IQCJ: variants seen among roughly 807,000 people sequenced by gnomAD.
IQCJ encodes IQ motif containing J.
Under a neutral mutation model 11.0 loss-of-function variants are expected in IQCJ, and 9 were observed. That is an observed-to-expected ratio of 0.82 (90% CI 0.49 to 1.43). IQCJ has a LOEUF of 1.43. Ranked by LOEUF, IQCJ falls within the 40% of genes most tolerant of loss-of-function variation. The pLI is 0.00. For missense variants in IQCJ, 146 were observed against 133.2 expected, an observed-to-expected ratio of 1.10 and a Z score of -0.47; for synonymous variants, 55 against 51.3, an observed-to-expected ratio of 1.07 and a Z score of -0.31.
chr3:159,193,534 T>G (rs533557461), intron 1 of IQCJ, among the ~76,000 whole-genome samples: 1 of 152,258 alleles, frequency 6.6e-6, no homozygotes, highest in East Asian at 1.9e-4. Flanking sequence ...CACTCTAAAG[T>G]GGTTTACTTG....
At chr3:159,195,005 G>T (rs1286780639) in intron 1 of IQCJ, among the ~76,000 whole-genome samples, 5 of 152,034 alleles carry the variant, frequency 3.3e-5, no homozygotes, top group Non-Finnish European at 7.3e-5. Flanking sequence ...CAGCTACCCA[G>T]AAGGCTGAGG....
At chr3:159,077,375 A>C (rs1715994602) in intron 1 of IQCJ, among the ~76,000 whole-genome samples, 1 of 152,130 alleles carries the variant, frequency 6.6e-6, no homozygotes, top group Admixed American at 6.6e-5. Flanking sequence ...AGGTGAGCTC[A>C]CATAACTGAG....
intron 1 of IQCJ, among the ~76,000 whole-genome samples, chr3:159,155,020 C>T (rs990812514): frequency 6.6e-6 from 1 of 152,080 alleles, no homozygotes. Context: ...TATCTTTCTT[C>T]CAGGCCCAGG....
At chr3:159,249,302 T>C (rs1019356111) in intron 2 of IQCJ, among the ~76,000 whole-genome samples, 2 of 152,214 alleles carry the variant, frequency 1.3e-5, no homozygotes, top group African/African-American at 4.8e-5. Flanking sequence ...GGTATATACG[T>C]GGGTTTCCAT....
chr3:159,124,683 A>G (rs958146679), intron 1 of IQCJ, among the ~76,000 whole-genome samples: 9 of 152,160 alleles, frequency 5.9e-5, no homozygotes, highest in African/African-American at 1.9e-4. Flanking sequence ...ACTGTGTTCT[A>G]TAAGGTCAGC....
At chr3:159,070,182 A>G (rs1715468307) in intron 1 of IQCJ, 9 of 154,412 alleles carry the variant, frequency 5.8e-5, no homozygotes, top group Admixed American at 5.8e-4. Flanking sequence ...CACACTGTAC[A>G]TTTAGGATCT....
At chr3:159,186,336 G>T (rs1344537713) in intron 1 of IQCJ, among the ~76,000 whole-genome samples, 3 of 152,172 alleles carry the variant, frequency 2.0e-5, no homozygotes, top group Non-Finnish European at 4.4e-5. Context: ...ATGGCTGGAT[G>T]AATACATTCT....
chr3:159,131,540 C>T (rs1364783677), intron 1 of IQCJ, among the ~76,000 whole-genome samples: 1 of 152,176 alleles, frequency 6.6e-6, no homozygotes, highest in Non-Finnish European at 1.5e-5. Flanking sequence ...TGAACTCAGT[C>T]TCCAGGATAA....
At chr3:159,169,523 C>T (rs1722378340) in intron 1 of IQCJ, among the ~76,000 whole-genome samples, 1 of 151,842 alleles carries the variant, frequency 6.6e-6, no homozygotes, top group South Asian at 2.1e-4. Flanking sequence ...CTACTGACCT[C>T]AGGTAATCCA....
At chr3:159,088,863 CTCTT>C in intron 1 of IQCJ, among the ~76,000 whole-genome samples, 1 of 152,282 alleles carries the variant, frequency 6.6e-6, no homozygotes, top group South Asian at 2.1e-4. Context: ...TGGGTCTTGA[CTCTT>C]TATCCAATTT....
At chr3:159,235,735 T>C (rs1017952317) in intron 1 of IQCJ, among the ~76,000 whole-genome samples, 1 of 152,184 alleles carries the variant, frequency 6.6e-6, no homozygotes, top group Non-Finnish European at 1.5e-5. Context: ...TGTTTCGACT[T>C]AGATCGGGTG....
chr3:159,198,340 A>G (rs926057588), intron 1 of IQCJ, among the ~76,000 whole-genome samples: 2 of 152,118 alleles, frequency 1.3e-5, no homozygotes, highest in African/African-American at 4.8e-5. Context: ...ATTACTGAGC[A>G]TCTAGTATAT....
Position 159,096,209 on chromosome 3 carries a change from GTTGT to G in IQCJ, c.9+26775_9+26778del, listed in dbSNP as rs1385884730. On this transcript the variant is annotated intron_variant, in intron 1 of 3. Transcript: ENST00000397832. ...TGTCCTTCGCCCACTTTTTGATGGG[GTTGT>G]TTGTTTTTTTCTTGTAAATTTGTTT... is the stretch of plus-strand genomic sequence containing the variant. 4.1e-4 allele frequency among the ~76,000 whole-genome samples: 55 copies of G among 133,114 alleles called. No homozygotes were observed. The East Asian group carries it at 0.01, about 25-fold the overall frequency. The allele number at this position is 133,114 out of a possible 152,430, so 87.3% of individuals were successfully genotyped here. A position where few individuals can be genotyped will look rare whatever the true frequency, so the allele number is the denominator to read the frequency against.
At chr3:159,238,590 G>A (rs760647595) in intron 1 of IQCJ, among the ~76,000 whole-genome samples, 1 of 152,208 alleles carries the variant, frequency 6.6e-6, no homozygotes, top group African/African-American at 2.4e-5. Context: ...GAGCTGAGTG[G>A]GGGAGGCAGG....
intron 1 of IQCJ, among the ~76,000 whole-genome samples, chr3:159,083,273 A>G (rs1716457639): frequency 2.0e-5 from 3 of 152,288 alleles, no homozygotes; most frequent in East Asian, 1.9e-4. Context: ...AAATAACCCA[A>G]ATAATCCTTT....
chr3:159,159,851 C>T (rs899776286), intron 1 of IQCJ, among the ~76,000 whole-genome samples: 2 of 151,920 alleles, frequency 1.3e-5, no homozygotes, highest in South Asian at 2.1e-4. Flanking sequence ...GTCTCTCTCT[C>T]ATTATGTGAC....
chr3:159,142,421 T>TC (rs1303700805), intron 1 of IQCJ, among the ~76,000 whole-genome samples: 4 of 74,166 alleles, frequency 5.4e-5, no homozygotes, highest in African/African-American at 2.3e-4. Flanking sequence ...GGGCAGGTCT[T>TC]TTCCCCCCCC....
At chr3:159,087,144 C>T (rs375277316) in intron 1 of IQCJ, among the ~76,000 whole-genome samples, 11 of 152,002 alleles carry the variant, frequency 7.2e-5, no homozygotes, top group African/African-American at 1.2e-4. Context: ...TTGAATTTTG[C>T]CAAAGGCCTT....
intron 1 of IQCJ, among the ~76,000 whole-genome samples, chr3:159,093,480 T>C (rs1717492399): frequency 6.6e-6 from 1 of 151,810 alleles, no homozygotes; most frequent in African/African-American, 2.4e-5. Context: ...TGCTCCACTT[T>C]TGAGTGATGA....
Sources: gnomAD v4.1 joint callset for allele counts (sites outside exome capture counted in the v4.1 genomes callset) on GRCh38, gnomAD v4.1.1 for gene constraint, MANE v1.5 for transcripts, NCBI Gene and HGNC (gene_info 2026-07-23, HGNC 2026-07-21) for gene names.